The following PATJ variants were observed in gnomAD, a reference collection of about 807,000 sequenced individuals.
PATJ encodes the protein inaD-like protein.
A neutral mutation model predicts 224.9 loss-of-function variants in PATJ; 190 were observed. The observed-to-expected ratio is 0.84, with a 90% CI of 0.75 to 0.95. PATJ has a LOEUF of 0.95. PATJ is among the 40% of genes least tolerant of loss of function. PATJ has a pLI of 0.00. For missense variants in PATJ, 2,121 were observed against 2,270.3 expected (o/e 0.93, Z 1.34); for synonymous variants, 769 against 820.3 (o/e 0.94, Z 1.07).
intron 18 of PATJ, among the ~76,000 whole-genome samples, chr1:61,857,662 G>A (rs1663910931): frequency 6.6e-6 from 1 of 152,184 alleles, no homozygotes; most frequent in Non-Finnish European, 1.5e-5. Context: ...ATATATATAA[G>A]AATCACCTGA....
chr1:62,026,961 G>A (rs572104911), intron 29 of PATJ, among the ~76,000 whole-genome samples: 5 of 152,222 alleles, frequency 3.3e-5, no homozygotes, highest in East Asian at 3.9e-4. Context: ...GGGAGCAACC[G>A]AGTATAACAT....
chr1:61,816,959 A>G (rs1656226934), intron 14 of PATJ, among the ~76,000 whole-genome samples: 1 of 152,178 alleles, frequency 6.6e-6, no homozygotes. Flanking sequence ...GGGAATTTTG[A>G]TTCCTTTCTT....
chr1:61,945,680 A>G (rs879815327), intron 27 of PATJ, among the ~76,000 whole-genome samples: 64 of 152,316 alleles, frequency 4.2e-4, no homozygotes, highest in Non-Finnish European at 7.6e-4. Context: ...TAACAAGGAT[A>G]TCCAGGACTT....
intron 29 of PATJ, among the ~76,000 whole-genome samples, chr1:62,023,964 T>C (rs770712635): frequency 6.6e-6 from 1 of 152,208 alleles, no homozygotes; most frequent in Non-Finnish European, 1.5e-5. Flanking sequence ...CATCATATGA[T>C]TTTCGCTTTT....
intron 27 of PATJ, among the ~76,000 whole-genome samples, chr1:61,951,647 T>A (rs1291802091): frequency 6.6e-6 from 1 of 152,088 alleles, no homozygotes; most frequent in African/African-American, 2.4e-5. Flanking sequence ...TTTTTTTATA[T>A]TTTTCCCCCC....
At chr1:61,838,069 G>A (rs1660469282) in intron 17 of PATJ, among the ~76,000 whole-genome samples, 1 of 152,154 alleles carries the variant, frequency 6.6e-6, no homozygotes, top group African/African-American at 2.4e-5. Flanking sequence ...AAAAGAGAAA[G>A]CAACAGGGAA....
intron 3 of PATJ, among the ~76,000 whole-genome samples, chr1:61,763,833 A>C (rs1646107673): frequency 6.6e-6 from 1 of 151,442 alleles, no homozygotes; most frequent in Non-Finnish European, 1.5e-5. Context: ...AATTTTTAAA[A>C]ATTTTATAGA....
At chr1:61,743,128 G>A (rs780205775) in intron 1 of PATJ, among the ~76,000 whole-genome samples, 3 of 152,190 alleles carry the variant, frequency 2.0e-5, no homozygotes, top group Non-Finnish European at 2.9e-5. Context: ...GCGTCGCGGC[G>A]CCTGGTCATC....
chr1:61,829,410 G>A (rs1012643006), intron 16 of PATJ, among the ~76,000 whole-genome samples: 1 of 152,190 alleles, frequency 6.6e-6, no homozygotes, highest in Non-Finnish European at 1.5e-5. Context: ...CCCTCTAAAG[G>A]CTGATAACAA....
At chr1:61,943,502 G>A (rs1678148706) in intron 27 of PATJ, among the ~76,000 whole-genome samples, 1 of 152,186 alleles carries the variant, frequency 6.6e-6, no homozygotes, top group African/African-American at 2.4e-5. Context: ...ACAGCAGTCT[G>A]AGATCGAACT....
intron 8 of PATJ, 91 bp from the exon 9 acceptor site, chr1:61,791,257 A>C: frequency 2.9e-6 from 2 of 696,916 alleles, no homozygotes; most frequent in East Asian, 5.5e-5. Context: ...ATAGATGCTA[A>C]GAAAATACTT....
At position 61,901,312 on chromosome 1, in the gene PATJ, T is replaced by G; in HGVS notation, c.3234T>G (p.Ser1078=). Residue 1078 remains serine (S), a synonymous_variant, in exon 24 of 44, where the codon TCT becomes TCG. Transcript: ENST00000642238. The part of the protein sequence containing the change: ...IVEIFREPNV[S]LGISIVGGQT... The stretch of plus-strand genomic sequence containing the variant: ...AGATTTTTAGAGAACCCAATGTGTC[T>G]CTTGGGATCAGTATTGTTGGTGGAC... 1 of 1,548,714 alleles carries G rather than the reference T, an allele frequency of 6.5e-7. No individual in the cohort carries two copies.
At chr1:62,129,635 G>A (rs1570725872) in intron 41 of PATJ, among the ~76,000 whole-genome samples, 1 of 152,346 alleles carries the variant, frequency 6.6e-6, no homozygotes, top group Admixed American at 6.5e-5. Context: ...GGTCTGCAGA[G>A]GTAATATAAA....
intron 27 of PATJ, among the ~76,000 whole-genome samples, chr1:61,961,979 AAAAAAAG>A (rs1175597461): frequency 1.9e-4 from 28 of 151,238 alleles, no homozygotes; most frequent in South Asian, 6.3e-4. Flanking sequence ...TAGAAAAAAA[AAAAAAAG>A]AAAGAAAAGA....
chr1:62,122,810 C>T (rs966435023), intron 38 of PATJ, among the ~76,000 whole-genome samples: 3 of 149,904 alleles, frequency 2.0e-5, no homozygotes, highest in Non-Finnish European at 3.0e-5. Flanking sequence ...GGTGACAAAG[C>T]GAGACTCTGT....
rs1369273551 is a variant in PATJ at position 61,856,026 on chromosome 1, A to G, written c.2113-4A>G. The G allele has an allele frequency of 1.9e-6, 3 of 1,612,148 alleles. No homozygotes were observed. The highest frequency in any genetic ancestry group is 4.5e-5 in the East Asian group (2 of 44,868). On this transcript the variant is annotated splice_region_variant and splice_polypyrimidine_tract_variant and intron_variant, in intron 17 of 43. Transcript: ENST00000642238. ...CTCATCCTTCTTCTTTGCTCGATTC[A>G]CAGGACCCTTTAGATCCTACAAGAT...
At chr1:61,895,584 C>G (rs1423063998) in intron 22 of PATJ, among the ~76,000 whole-genome samples, 2 of 152,058 alleles carry the variant, frequency 1.3e-5, no homozygotes, top group African/African-American at 4.8e-5. Flanking sequence ...GCACAGAAGA[C>G]AAGAGTTGAG....
At chr1:62,122,630 G>T (rs1378080372) in intron 38 of PATJ, among the ~76,000 whole-genome samples, 3 of 152,056 alleles carry the variant, frequency 2.0e-5, no homozygotes, top group Non-Finnish European at 2.9e-5. Flanking sequence ...TTTGAGACCA[G>T]CCTGGCCAAC....
At chr1:61,750,285 G>A (rs1645248163) in intron 1 of PATJ, among the ~76,000 whole-genome samples, 4 of 152,176 alleles carry the variant, frequency 2.6e-5, no homozygotes, top group Admixed American at 2.6e-4. Context: ...TTGGTAGATG[G>A]CTTTTAGGCC....
Sources: gnomAD v4.1 joint callset for allele counts (sites outside exome capture counted in the v4.1 genomes callset) on GRCh38, gnomAD v4.1.1 for gene constraint, MANE v1.5 for transcripts, NCBI Gene and HGNC (gene_info 2026-07-23, HGNC 2026-07-21) for gene names.